The following DCDC1 variants were observed in gnomAD, a reference collection of about 807,000 sequenced individuals.
The protein encoded by DCDC1 is doublecortin domain-containing protein 1.
A neutral mutation model predicts 178.3 loss-of-function variants in DCDC1; 200 were observed. The observed-to-expected ratio is 1.12, with a 90% CI of 1.00 to 1.26. DCDC1 has a LOEUF of 1.26. Among genes scored for constraint, DCDC1 ranks in the 50% most tolerant of loss-of-function variants. DCDC1 has a pLI of 0.00. For missense variants in DCDC1, 1,983 were observed against 1,749.2 expected, an observed-to-expected ratio of 1.13 and a Z score of -2.38; for synonymous variants, 690 against 604.8, an observed-to-expected ratio of 1.14 and a Z score of -2.07.
intron 1 of DCDC1, among the ~76,000 whole-genome samples, chr11:31,338,400 G>GTTCACATA (rs1286149696): frequency 2.0e-5 from 3 of 152,138 alleles, no homozygotes; most frequent in Admixed American, 2.0e-4. Flanking sequence ...ATATTTGGGG[G>GTTCACATA]TTCACATACA....
chr11:31,117,597 C>T lies in DCDC1; in HGVS notation c.1486-7236G>A, dbSNP rs201887662. On this transcript the variant is annotated intron_variant, in intron 11 of 38. Coordinates refer to ENST00000684477, the MANE Select transcript of DCDC1 (RefSeq NM_001387274.1). The stretch of plus-strand genomic sequence containing the variant: ...CTTGGGAGTGGGCCCACATTCCTTC[C>T]TTGTAAGTATCTAAACTCACTTTCC... 2.0e-5 allele frequency among the ~76,000 whole-genome samples: 3 copies of T among 151,824 alleles called. No individual in the cohort carries two copies. In the East Asian group the frequency reaches 5.8e-4, roughly 29 times the overall value.
intron 20 of DCDC1, among the ~76,000 whole-genome samples, chr11:31,056,172 C>A (rs920081740): frequency 3.3e-5 from 5 of 151,872 alleles, no homozygotes; most frequent in African/African-American, 1.2e-4. Context: ...ATAATCTCCA[C>A]AGCAGTCACT....
At chr11:30,932,039 C>G (rs754568798) in intron 21 of DCDC1, 87 bp from the exon 22 acceptor site, 7 of 1,270,752 alleles carry the variant, frequency 5.5e-6, no homozygotes, top group Admixed American at 3.3e-5. Context: ...ACAGTTTATA[C>G]CTTTAATCTC....
In DCDC1 at chr11:31,259,738, A is replaced by C. The variant is rs11031334; in HGVS notation, c.1054+5769T>G. On this transcript the variant is annotated intron_variant, in intron 8 of 38. Transcript: ENST00000684477. ...GCTGTAACTAATGCCTTAATGGGAG[A>C]TTGCTTCCCAAGAAGTTAGGTCACA... is the stretch of plus-strand genomic sequence containing the variant. 7.8e-4 allele frequency among the ~76,000 whole-genome samples: 118 copies of C among 152,222 alleles called. 3 individuals carry two copies. The East Asian group carries it at 0.022, about 28-fold the overall frequency.
chr11:31,340,598 T>G (rs1950495402), intron 1 of DCDC1, among the ~76,000 whole-genome samples: 1 of 152,154 alleles, frequency 6.6e-6, no homozygotes, highest in African/African-American at 2.4e-5. Context: ...AACATTTAAA[T>G]GTGTAGACTC....
chr11:31,352,377 T>C (rs970993534), intron 1 of DCDC1, among the ~76,000 whole-genome samples: 1 of 152,176 alleles, frequency 6.6e-6, no homozygotes, highest in Non-Finnish European at 1.5e-5. Flanking sequence ...TAATTAGCAT[T>C]ATGTTTTTAC....
chr11:30,908,147 T>C (rs1028639231), intron 29 of DCDC1, among the ~76,000 whole-genome samples: 2 of 114,230 alleles, frequency 1.8e-5, no homozygotes, highest in African/African-American at 5.4e-5. Context: ...TGACTGAAAA[T>C]GGAAAACCCA....
intron 15 of DCDC1, among the ~76,000 whole-genome samples, chr11:31,101,817 C>T (rs1481110725): frequency 6.6e-6 from 1 of 152,098 alleles, no homozygotes; most frequent in East Asian, 1.9e-4. Context: ...TGGCTCACGC[C>T]TGTAATCACA....
rs143446770 is a variant in DCDC1 at position 31,306,102 on chromosome 11, G to A, written c.591+130C>T. The A allele has an allele frequency of 1.5e-4, 138 of 915,950 alleles. 1 individual carries two copies. Among genetic ancestry groups the A allele is most frequent in the African/African-American group, 1.3e-3 (74 of 57,500 alleles). 56.7% of individuals were successfully genotyped at this position (915,950 alleles called of 1,614,324 possible). ...GGAGTGAAATTCCTATGAAATCTAC[G>A]TATATATAAGCAATCGGTAGATTCA... On this transcript the variant is annotated intron_variant, in intron 5 of 38. Transcript: ENST00000684477.
At chr11:31,148,468 C>A (rs1257402812) in intron 9 of DCDC1, among the ~76,000 whole-genome samples, 2 of 151,908 alleles carry the variant, frequency 1.3e-5, no homozygotes, top group African/African-American at 4.8e-5. Context: ...TGTACCACTG[C>A]ACTCTAGCCT....
chr11:31,094,020 C>A, intron 16 of DCDC1, 30 bp downstream of exon 16: 1 of 759,908 alleles, frequency 1.3e-6, no homozygotes, highest in Non-Finnish European at 2.4e-6. Flanking sequence ...AAGGGGAGGT[C>A]ACTCAGCAAA....
intron 20 of DCDC1, among the ~76,000 whole-genome samples, chr11:31,022,849 A>G (rs994869775): frequency 2.9e-4 from 44 of 152,052 alleles, no homozygotes; most frequent in African/African-American, 1.0e-3. Flanking sequence ...TTTTCTCTAA[A>G]CTTTATTTGG....
chr11:31,213,270 G>C (rs576963897), intron 9 of DCDC1, among the ~76,000 whole-genome samples: 9 of 150,830 alleles, frequency 6.0e-5, no homozygotes, highest in African/African-American at 2.0e-4. Flanking sequence ...GTCTATTTTC[G>C]CCTCATGTCA....
In DCDC1 at chr11:30,965,167, G is replaced by A. The variant is rs371213663; in HGVS notation, c.2592-12599C>T. Among the ~76,000 whole-genome samples the A allele has an allele frequency of 8.3e-4, 126 of 152,274 alleles. No individual in the cohort carries two copies. In the Middle Eastern group the frequency reaches 0.014, roughly 16 times the overall value. The stretch of plus-strand genomic sequence containing the variant: ...TGCCATGGTCAGAACACATACAGGC[G>A]AAAGCCAACACATAGGTGTACACAC... On this transcript the variant is annotated intron_variant, in intron 20 of 38. Transcript: ENST00000684477.
chr11:31,006,897 A>T (rs1329365669), intron 20 of DCDC1, among the ~76,000 whole-genome samples: 1 of 152,228 alleles, frequency 6.6e-6, no homozygotes, highest in East Asian at 1.9e-4. Flanking sequence ...TCTCCCAGTC[A>T]TTTAGGTTTA....
At chr11:30,953,977 C>A (rs1003991004) in intron 20 of DCDC1, among the ~76,000 whole-genome samples, 1 of 146,682 alleles carries the variant, frequency 6.8e-6, no homozygotes, top group African/African-American at 2.5e-5. Flanking sequence ...GTATATTATG[C>A]ATGTATATAT....
chr11:31,166,637 A>T (rs975279506), intron 9 of DCDC1, among the ~76,000 whole-genome samples: 11 of 152,106 alleles, frequency 7.2e-5, no homozygotes, highest in Admixed American at 3.9e-4. Context: ...CATTTTTTTA[A>T]AAAAAGAATA....
chr11:30,988,001 G>A (rs1950749634), intron 20 of DCDC1, among the ~76,000 whole-genome samples: 1 of 152,142 alleles, frequency 6.6e-6, no homozygotes, highest in Non-Finnish European at 1.5e-5. Flanking sequence ...GGTGAGGGAA[G>A]CAGTTAGATA....
intron 10 of DCDC1, among the ~76,000 whole-genome samples, chr11:31,137,076 G>A (rs950097027): frequency 6.6e-6 from 1 of 152,100 alleles, no homozygotes; most frequent in Admixed American, 6.5e-5. Flanking sequence ...TTTTTCCTAT[G>A]TTGGTAGGTT....
Sources: gnomAD v4.1 joint callset for allele counts (sites outside exome capture counted in the v4.1 genomes callset) on GRCh38, gnomAD v4.1.1 for gene constraint, MANE v1.5 for transcripts, NCBI Gene and HGNC (gene_info 2026-07-23, HGNC 2026-07-21) for gene names.